Variants in STAU2 observed in about 807,000 individuals in gnomAD.
STAU2 encodes double-stranded RNA-binding protein Staufen homolog 2.
In STAU2, 20 loss-of-function variants were observed where a neutral mutation model predicts 65.9. That is an observed-to-expected ratio of 0.30 (90% CI 0.21 to 0.44). The LOEUF (loss-of-function observed/expected upper bound fraction) is 0.44, where lower values mean the gene tolerates loss of function less well. Ranked by LOEUF, STAU2 falls within the 20% of genes least tolerant of loss-of-function variation. The probability of loss-of-function intolerance (pLI) is 1.00; values close to 1 mark genes in which losing one functional copy is unlikely to be tolerated. For missense variants in STAU2, 558 were observed against 683.9 expected (o/e 0.82, Z 2.05); for synonymous variants, 232 against 233.9 (o/e 0.99, Z 0.07).
chr8:73,680,169 G>A (rs1192215540), intron 5 of STAU2, among the ~76,000 whole-genome samples: 1 of 136,692 alleles, frequency 7.3e-6, no homozygotes, highest in African/African-American at 2.7e-5. Flanking sequence ...ATAGGGGGCC[G>A]GCGGGAATAG....
At chr8:73,705,095 GT>G (rs1211402652) in intron 4 of STAU2, among the ~76,000 whole-genome samples, 1 of 152,174 alleles carries the variant, frequency 6.6e-6, no homozygotes, top group African/African-American at 2.4e-5. Context: ...CTAAGGGGTT[GT>G]TTTAGTCCTA....
At chr8:73,649,846 G>A (rs574917208) in intron 6 of STAU2, among the ~76,000 whole-genome samples, 45 of 120,574 alleles carry the variant, frequency 3.7e-4, no homozygotes, top group African/African-American at 1.4e-3. Flanking sequence ...TTATAAGTTA[G>A]TATATATGTC....
chr8:73,627,208 C>CAGGG (rs1443258850), intron 6 of STAU2, among the ~76,000 whole-genome samples: 1 of 2,280 alleles, frequency 4.4e-4, no homozygotes, highest in Admixed American at 8.5e-3. Flanking sequence ...AGGAATACGG[C>CAGGG]GGGGGGGGGG....
At chr8:73,626,072 CAT>C (rs1563466432) in intron 6 of STAU2, among the ~76,000 whole-genome samples, 2 of 126,522 alleles carry the variant, frequency 1.6e-5, no homozygotes, top group Admixed American at 7.9e-5. Context: ...AGTAAGTACA[CAT>C]ACACACACAC....
intron 11 of STAU2, among the ~76,000 whole-genome samples, chr8:73,592,942 A>G (rs185476095): frequency 6.6e-6 from 1 of 152,238 alleles, no homozygotes; most frequent in Non-Finnish European, 1.5e-5. Flanking sequence ...TGATAAATCA[A>G]TATATTCAGT....
At chr8:73,535,461 C>A (rs903968679) in intron 13 of STAU2, among the ~76,000 whole-genome samples, 1 of 152,138 alleles carries the variant, frequency 6.6e-6, no homozygotes, top group Non-Finnish European at 1.5e-5. Flanking sequence ...GAGCCACCGC[C>A]CCTGGCCGTT....
intron 5 of STAU2, among the ~76,000 whole-genome samples, chr8:73,674,126 TAAA>T (rs368065193): frequency 2.6e-5 from 3 of 114,124 alleles, no homozygotes; most frequent in Admixed American, 8.5e-5. Context: ...AACCCAAAAC[TAAA>T]AAAAAAAAAA....
chr8:73,517,744 T>G (rs1585916695), intron 13 of STAU2, among the ~76,000 whole-genome samples: 2 of 151,892 alleles, frequency 1.3e-5, no homozygotes, highest in South Asian at 4.2e-4. Context: ...AAAAAAAAAG[T>G]GGGAGAAGGA....
chr8:73,537,728 C>T (rs757672549), intron 13 of STAU2, among the ~76,000 whole-genome samples: 26 of 152,020 alleles, frequency 1.7e-4, no homozygotes, highest in Non-Finnish European at 3.4e-4. Context: ...TGAAACAGAA[C>T]GGAAATGATA....
chr8:73,640,076 A>G (rs1479776711), intron 6 of STAU2, among the ~76,000 whole-genome samples: 1 of 152,146 alleles, frequency 6.6e-6, no homozygotes, highest in Non-Finnish European at 1.5e-5. Flanking sequence ...TTAGCCTATC[A>G]AAGTCAACTT....
At chr8:73,695,412 T>C (rs1819632331) in intron 4 of STAU2, among the ~76,000 whole-genome samples, 1 of 131,428 alleles carries the variant, frequency 7.6e-6, no homozygotes, top group African/African-American at 2.8e-5. Context: ...CTGGCAGGAT[T>C]CATTACCTGC....
intron 13 of STAU2, among the ~76,000 whole-genome samples, chr8:73,498,010 AT>A (rs2128918644): frequency 6.6e-6 from 1 of 151,938 alleles, no homozygotes; most frequent in Admixed American, 6.6e-5. Flanking sequence ...TAATATACTG[AT>A]CTCTTAATGT....
intron 13 of STAU2, among the ~76,000 whole-genome samples, chr8:73,448,050 T>G (rs146002868): frequency 9.9e-5 from 15 of 152,244 alleles, no homozygotes; most frequent in African/African-American, 3.6e-4. Flanking sequence ...AATTCTAGTT[T>G]GACTTTACAC....
chr8:73,484,623 T>C (rs955736442), intron 13 of STAU2, among the ~76,000 whole-genome samples: 2 of 152,114 alleles, frequency 1.3e-5, no homozygotes, highest in African/African-American at 4.8e-5. Context: ...ATATCTTAGT[T>C]TGTAAGGTGG....
At chr8:73,691,311 T>C (rs1403783433) in intron 4 of STAU2, among the ~76,000 whole-genome samples, 1 of 152,232 alleles carries the variant, frequency 6.6e-6, no homozygotes, top group Non-Finnish European at 1.5e-5. Context: ...TAGTTTCGTT[T>C]ATCCTTGCCT....
intron 13 of STAU2, among the ~76,000 whole-genome samples, chr8:73,495,036 T>TAA (rs2128917151): frequency 6.6e-6 from 1 of 151,698 alleles, no homozygotes; most frequent in South Asian, 2.1e-4. Flanking sequence ...ATTAAAAACT[T>TAA]AAACTGTATT....
intron 6 of STAU2, among the ~76,000 whole-genome samples, chr8:73,655,606 G>A (rs1816294886): frequency 7.0e-6 from 1 of 143,378 alleles, no homozygotes; most frequent in African/African-American, 2.5e-5. Flanking sequence ...ATTATTAGCA[G>A]ATAATGAAAC....
At chr8:73,484,541 G>GAGGGTTAAAT (rs1384318857) in intron 13 of STAU2, among the ~76,000 whole-genome samples, 3 of 152,098 alleles carry the variant, frequency 2.0e-5, no homozygotes, top group Admixed American at 6.5e-5. Flanking sequence ...ACTATATAGT[G>GAGGGTTAAAT]AGGGTTAAAT....
chr8:73,678,311 T>A lies in STAU2; in HGVS notation c.275-5069A>T, dbSNP rs150455359. Reference sequence around the variant, plus strand: ...CGTCCCAATTCACTCACTAACTACATCTCCAGTCTTACCTCCTACTAGTCA... The same window carrying A: ...CGTCCCAATTCACTCACTAACTACAACTCCAGTCTTACCTCCTACTAGTCA... On this transcript the variant is annotated intron_variant, in intron 5 of 14. Transcript: ENST00000524300. Among the ~76,000 whole-genome samples the A allele has an allele frequency of 7.3e-3, 1,112 of 152,204 alleles. 12 individuals carry two copies. Among genetic ancestry groups the A allele is most frequent in the African/African-American group, 0.025 (1,051 of 41,520 alleles).
Sources: allele counts gnomAD v4.1 joint callset (sites outside exome capture counted in the v4.1 genomes callset), GRCh38; gene constraint gnomAD v4.1.1; transcripts MANE v1.5; gene names NCBI Gene and HGNC (gene_info 2026-07-23, HGNC 2026-07-21).